The following SUCLG2 variants were observed in gnomAD, a reference collection of about 807,000 sequenced individuals.
SUCLG2 encodes the protein succinate-CoA ligase GDP-forming subunit beta, also known as succinate--CoA ligase [GDP-forming] subunit beta, mitochondrial.
SUCLG2 carries 42 observed loss-of-function variants against 47.9 expected under a neutral mutation model. That is an observed-to-expected ratio of 0.88 (90% CI 0.69 to 1.14). The LOEUF is 1.14. SUCLG2 is among the 50% of genes most tolerant of loss of function. The probability of loss-of-function intolerance (pLI) is 0.00; values close to 1 mark genes in which losing one functional copy is unlikely to be tolerated. For missense variants in SUCLG2, 571 were observed against 525.9 expected (o/e 1.09, Z -0.84); for synonymous variants, 195 against 197.3 (o/e 0.99, Z 0.10).
At chr3:67,504,887 C>G (rs1705596229) in intron 7 of SUCLG2, among the ~76,000 whole-genome samples, 2 of 152,166 alleles carry the variant, frequency 1.3e-5, no homozygotes, top group South Asian at 4.1e-4. Context: ...TAAAACATTG[C>G]TTCTTGCTTG....
At chr3:67,568,094 A>G (rs1050435317) in intron 2 of SUCLG2, among the ~76,000 whole-genome samples, 18 of 152,358 alleles carry the variant, frequency 1.2e-4, no homozygotes, top group African/African-American at 4.3e-4. Flanking sequence ...AGAGACCAGG[A>G]CAGCAAAAGA....
At chr3:67,449,299 C>G (rs1703998102) in intron 9 of SUCLG2, among the ~76,000 whole-genome samples, 1 of 152,188 alleles carries the variant, frequency 6.6e-6, no homozygotes, top group African/African-American at 2.4e-5. Flanking sequence ...TGAGCTTTAT[C>G]TGGGATCTTT....
rs548566635 is a variant in SUCLG2 at position 67,401,573 on chromosome 3, G to C, written c.1063-722C>G. Among the ~76,000 whole-genome samples, 7 of 103,436 alleles carry C rather than the reference G, an allele frequency of 6.8e-5. 1 individual carries two copies. The highest frequency in any genetic ancestry group is 2.1e-4 in the Admixed American group (2 of 9,754). The allele number at this position is 103,436 out of a possible 152,430, so 67.9% of individuals were successfully genotyped here. Reference sequence around the variant, plus strand: ...ATATTCCATATTCAAAGGCATGTGGGCCAAAAAAAAAAAAAAAACAAACTC... The same window carrying C: ...ATATTCCATATTCAAAGGCATGTGGCCCAAAAAAAAAAAAAAAACAAACTC... On this transcript the variant is annotated intron_variant, in intron 9 of 10. Coordinates refer to ENST00000307227, the MANE Select transcript of SUCLG2 (RefSeq NM_003848.4).
rs894660836 is a variant in SUCLG2 at position 67,570,723 on chromosome 3, G to A, written c.226+38732C>T. On this transcript the variant is annotated intron_variant, in intron 2 of 10. Coordinates refer to ENST00000307227, the MANE Select transcript of SUCLG2 (RefSeq NM_003848.4). ...TCTGTACATACAGTTACACATTAAC[G>A]ACAGGAGGGTAATGCATCCTGACTC... 3.3e-5 allele frequency among the ~76,000 whole-genome samples: 5 copies of A among 152,262 alleles called. No homozygotes were observed. The South Asian group carries it at 6.2e-4, about 19-fold the overall frequency.
chr3:67,444,137 C>G (rs867308175), intron 9 of SUCLG2, among the ~76,000 whole-genome samples: 1 of 63,080 alleles, frequency 1.6e-5, no homozygotes, highest in Admixed American at 2.0e-4. Context: ...CCTGGCCAGC[C>G]GTGCCGTCCG....
intron 10 of SUCLG2, among the ~76,000 whole-genome samples, chr3:67,363,725 T>C (rs1701839305): frequency 6.6e-6 from 1 of 152,038 alleles, no homozygotes; most frequent in Non-Finnish European, 1.5e-5. Context: ...TGAAAAAATA[T>C]GGTTTAAAAA....
intron 2 of SUCLG2, among the ~76,000 whole-genome samples, chr3:67,603,404 G>C (rs1708463408): frequency 6.6e-6 from 1 of 152,176 alleles, no homozygotes. Flanking sequence ...CCTTAATGGT[G>C]TTAAGTAATT....
intron 9 of SUCLG2, among the ~76,000 whole-genome samples, chr3:67,481,134 T>C (rs928242668): frequency 1.3e-5 from 2 of 152,254 alleles, no homozygotes; most frequent in African/African-American, 4.8e-5. Context: ...ACTTGTATTA[T>C]TATAAAATGT....
chr3:67,541,289 C>A (rs959376054), intron 2 of SUCLG2, among the ~76,000 whole-genome samples: 5 of 152,064 alleles, frequency 3.3e-5, no homozygotes, highest in African/African-American at 1.2e-4. Flanking sequence ...TAACCCAGTG[C>A]AAAGAAGCTA....
intron 10 of SUCLG2, among the ~76,000 whole-genome samples, chr3:67,393,800 G>T (rs568116044): frequency 6.6e-6 from 1 of 152,200 alleles, no homozygotes; most frequent in East Asian, 1.9e-4. Context: ...ACCTCACATG[G>T]CCGGGTACTC....
At chr3:67,435,115 T>A (rs917863582) in intron 9 of SUCLG2, among the ~76,000 whole-genome samples, 2 of 152,142 alleles carry the variant, frequency 1.3e-5, no homozygotes, top group South Asian at 2.1e-4. Context: ...CTCTCCTCCA[T>A]GGGCTGGTGT....
rs184580306 is a variant in SUCLG2, at chr3:67,582,748, T to C, written c.226+26707A>G. On this transcript the variant is annotated intron_variant, in intron 2 of 10. Coordinates refer to ENST00000307227, the MANE Select transcript of SUCLG2 (RefSeq NM_003848.4). ...ATTCCCACCAGCAGTGTATAAGTGT[T>C]CCCCTCTCTCCAAAATCTTGCCAGC... 5.2e-3 allele frequency among the ~76,000 whole-genome samples: 794 copies of C among 151,954 alleles called. 3 individuals carry two copies. The highest frequency in any genetic ancestry group is 7.8e-3 in the Non-Finnish European group (528 of 67,980).
At chr3:67,582,690 A>G (rs192245850) in intron 2 of SUCLG2, among the ~76,000 whole-genome samples, 1 of 152,268 alleles carries the variant, frequency 6.6e-6, no homozygotes, top group East Asian at 1.9e-4. Context: ...AGAAATCGCC[A>G]AACTGTTTTC....
Position 67,499,875 on chromosome 3 carries a change from G to C in SUCLG2, c.758-1580C>G, listed in dbSNP as rs1207190695. ...GTCTCCCAAGCAGCTGGGACTACAG[G>C]CATGTGCCACCATGCCCAGGTAATT... is the stretch of plus-strand genomic sequence containing the variant. On this transcript the variant is annotated intron_variant, in intron 7 of 10. Coordinates refer to ENST00000307227, the MANE Select transcript of SUCLG2 (RefSeq NM_003848.4). Among the ~76,000 whole-genome samples, 3 of 152,076 alleles carry C rather than the reference G, an allele frequency of 2.0e-5. No homozygotes were observed. In the South Asian group the frequency reaches 6.2e-4, roughly 32 times the overall value.
chr3:67,627,373 TCTGTGTGAAAATA>T (rs1700851931), intron 1 of SUCLG2, among the ~76,000 whole-genome samples: 2 of 152,202 alleles, frequency 1.3e-5, no homozygotes. Context: ...CTGTTGCACA[TCTGTGTGAAAATA>T]CTTTTACTTG....
downstream of SUCLG2, among the ~76,000 whole-genome samples, chr3:67,371,676 G>A (rs1701956470): frequency 6.6e-6 from 1 of 152,164 alleles, no homozygotes. Flanking sequence ...CACAGGGCAA[G>A]CAATACATTC....
At chr3:67,475,088 A>G (rs554630603) in intron 9 of SUCLG2, among the ~76,000 whole-genome samples, 1 of 152,242 alleles carries the variant, frequency 6.6e-6, no homozygotes, top group Admixed American at 6.5e-5. Context: ...TATCTTTTGT[A>G]TTAGTGTCAC....
chr3:67,627,722 C>A (rs1275167537), intron 1 of SUCLG2, among the ~76,000 whole-genome samples: 1 of 152,194 alleles, frequency 6.6e-6, no homozygotes, highest in African/African-American at 2.4e-5. Flanking sequence ...TAGCCCCTGG[C>A]CCCACAGCTC....
chr3:67,418,053 T>C (rs535948383), intron 9 of SUCLG2, among the ~76,000 whole-genome samples: 166 of 152,294 alleles, frequency 1.1e-3, no homozygotes, highest in Non-Finnish European at 4.3e-4. Context: ...ATTCTACCCA[T>C]GCAGTAGGTT....
Sources: allele counts gnomAD v4.1 joint callset (sites outside exome capture counted in the v4.1 genomes callset), GRCh38; gene constraint gnomAD v4.1.1; transcripts MANE v1.5; gene names NCBI Gene and HGNC (gene_info 2026-07-23, HGNC 2026-07-21).